Variants in CHN1 observed in about 807,000 individuals in gnomAD.
The protein encoded by CHN1 is N-chimaerin.
CHN1 carries 37 observed loss-of-function variants against 59.5 expected under a neutral mutation model. That is an observed-to-expected ratio of 0.62 (90% CI 0.48 to 0.82). The LOEUF (loss-of-function observed/expected upper bound fraction) is 0.82. Ranked by LOEUF, CHN1 falls within the 40% of genes least tolerant of loss-of-function variation. CHN1 has a pLI of 0.00. For missense variants in CHN1, 469 were observed against 571.0 expected, an observed-to-expected ratio of 0.82 and a Z score of 1.82; for synonymous variants, 206 against 200.4, an observed-to-expected ratio of 1.03 and a Z score of -0.24.
chr2:174,858,429 T>G (rs1686970575), intron 6 of CHN1, among the ~76,000 whole-genome samples: 1 of 152,168 alleles, frequency 6.6e-6, no homozygotes, highest in Admixed American at 6.6e-5. Flanking sequence ...GACAAAAGAT[T>G]TAACGTTTAT....
chr2:174,818,695 G>A (rs1012872530), intron 8 of CHN1, among the ~76,000 whole-genome samples: 4 of 151,908 alleles, frequency 2.6e-5, no homozygotes, highest in Middle Eastern at 3.4e-3. Flanking sequence ...AATAAGCATA[G>A]AATAAACATA....
At position 174,955,076 on chromosome 2, in the gene CHN1, G is replaced by A. The variant is rs145496189; in HGVS notation, c.20-2874C>T. ...ATCAACAAGTGGATAAAGAAAATGC[G>A]GTATATACATCTATATATCTATATA... is the stretch of plus-strand genomic sequence containing the variant. On this transcript the variant is annotated intron_variant, in intron 1 of 12. Transcript: ENST00000409900. Among the ~76,000 whole-genome samples the A allele has an allele frequency of 3.8e-3, 572 of 149,690 alleles. 4 individuals are homozygous for A. Among genetic ancestry groups the A allele is most frequent in the African/African-American group, 0.013 (544 of 40,800 alleles).
At chr2:174,926,756 C>G (rs1027284594) in intron 3 of CHN1, among the ~76,000 whole-genome samples, 5 of 151,858 alleles carry the variant, frequency 3.3e-5, no homozygotes, top group Non-Finnish European at 5.9e-5. Flanking sequence ...CTTATCTACC[C>G]ACACCATTTT....
rs113982296 is a variant in CHN1, at chr2:174,805,190, A to G, written c.1103-3378T>C. On this transcript the variant is annotated intron_variant, in intron 11 of 12. Coordinates refer to ENST00000409900, the MANE Select transcript of CHN1 (RefSeq NM_001822.7). ...ATGAAATAAAAACAGGCAGATTTCT[A>G]TTGTACACAGAAGGGCTTCATAACT... is the stretch of plus-strand genomic sequence containing the variant. 9.4e-3 allele frequency among the ~76,000 whole-genome samples: 1,432 copies of G among 152,348 alleles called. 23 individuals are homozygous for G. The highest frequency in any genetic ancestry group is 0.032 in the African/African-American group (1,347 of 41,574).
At chr2:174,817,184 T>C (rs1355856968) in intron 8 of CHN1, among the ~76,000 whole-genome samples, 2 of 152,226 alleles carry the variant, frequency 1.3e-5, no homozygotes, top group Non-Finnish European at 2.9e-5. Flanking sequence ...TATTCAAAAA[T>C]GTATATTGTA....
chr2:174,967,602 G>A (rs190831730), intron 1 of CHN1, among the ~76,000 whole-genome samples: 1 of 151,836 alleles, frequency 6.6e-6, no homozygotes. Flanking sequence ...GTAACCATAC[G>A]AACACTCTTT....
intron 1 of CHN1, among the ~76,000 whole-genome samples, chr2:174,974,113 T>C (rs1690845252): frequency 6.6e-6 from 1 of 152,188 alleles, no homozygotes; most frequent in South Asian, 2.1e-4. Context: ...CCAAACATAC[T>C]TCACATATGA....
chr2:174,971,998 T>C (rs968950771), intron 1 of CHN1, among the ~76,000 whole-genome samples: 5 of 152,198 alleles, frequency 3.3e-5, no homozygotes, highest in Admixed American at 2.6e-4. Flanking sequence ...GAGGAAATAC[T>C]TCAAGTGCAG....
At chr2:174,832,329 C>A (rs891675771) in intron 7 of CHN1, among the ~76,000 whole-genome samples, 1 of 151,968 alleles carries the variant, frequency 6.6e-6, no homozygotes, top group Non-Finnish European at 1.5e-5. Context: ...ACCTTTAATA[C>A]TGCCTTTCCT....
chr2:174,812,391 A>G lies in CHN1; in HGVS notation c.804T>C (p.Cys268=), dbSNP rs1243680098. The G allele has an allele frequency of 1.2e-6, 2 of 1,614,028 alleles. No individual in the cohort carries two copies. Among genetic ancestry groups the G allele is most frequent in the Non-Finnish European group, 1.7e-6 (2 of 1,179,892 alleles). The change falls in exon 9 of 13, where the codon TGT becomes TGC. Residue 268 remains cysteine (C), a synonymous_variant. Transcript: ENST00000409900. ...DLKHVKKVYS[C]DLTTLVKAHT... ...GTGCTTTCACGAGCGTCGTAAGGTC[A>G]CAGCTGTACACCTTTTTGACATGCT...
At chr2:174,945,925 G>GTATATATATATATATATATATAAA (rs1437195574) in intron 2 of CHN1, among the ~76,000 whole-genome samples, 6 of 150,444 alleles carry the variant, frequency 4.0e-5, no homozygotes, top group African/African-American at 1.5e-4. Flanking sequence ...GTGTGTGTGT[G>GTATATATATATATATATATATAAA]TGTGTGTATA....
At chr2:174,934,544 G>C (rs1574183693) in intron 3 of CHN1, among the ~76,000 whole-genome samples, 1 of 152,192 alleles carries the variant, frequency 6.6e-6, no homozygotes, top group African/African-American at 2.4e-5. Flanking sequence ...ACAGGGGCCG[G>C]GGACCCCTGT....
At chr2:174,861,811 C>A (rs186036323) in intron 6 of CHN1, among the ~76,000 whole-genome samples, 1 of 152,160 alleles carries the variant, frequency 6.6e-6, no homozygotes, top group East Asian at 1.9e-4. Flanking sequence ...GTTTAGGATT[C>A]ATGAACTGTA....
At chr2:174,867,636 G>C (rs768567735) in intron 6 of CHN1, among the ~76,000 whole-genome samples, 3 of 151,958 alleles carry the variant, frequency 2.0e-5, no homozygotes, top group Non-Finnish European at 4.4e-5. Context: ...AATGAATATT[G>C]AAAGAATGAA....
intron 3 of CHN1, among the ~76,000 whole-genome samples, chr2:174,940,532 T>A (rs939361838): frequency 3.4e-5 from 5 of 147,544 alleles, no homozygotes; most frequent in African/African-American, 1.3e-4. Context: ...ATCCCACCAC[T>A]GTTTTTTTTT....
At chr2:174,950,858 C>A (rs537674194) in intron 2 of CHN1, among the ~76,000 whole-genome samples, 1 of 148,650 alleles carries the variant, frequency 6.7e-6, no homozygotes, top group East Asian at 2.0e-4. Flanking sequence ...TGGCTCACTG[C>A]AACCTCTGCC....
intron 3 of CHN1, among the ~76,000 whole-genome samples, chr2:174,926,153 C>A (rs776027864): frequency 6.6e-6 from 1 of 151,528 alleles, no homozygotes; most frequent in African/African-American, 2.4e-5. Context: ...CAATGAAATT[C>A]ATTAAATTAA....
intron 5 of CHN1, among the ~76,000 whole-genome samples, chr2:174,913,545 TACC>T (rs1256250365): frequency 1.3e-5 from 2 of 152,294 alleles, no homozygotes; most frequent in African/African-American, 2.4e-5. Context: ...TTTTCCTGTA[TACC>T]ACAATTTAAA....
chr2:174,848,704 T>C (rs1223774706), intron 6 of CHN1, among the ~76,000 whole-genome samples: 2 of 152,146 alleles, frequency 1.3e-5, no homozygotes, highest in South Asian at 2.1e-4. Context: ...AAATGACTGA[T>C]TTTCTAAACA....
Sources: allele counts gnomAD v4.1 joint callset (sites outside exome capture counted in the v4.1 genomes callset), GRCh38; gene constraint gnomAD v4.1.1; transcripts MANE v1.5; gene names NCBI Gene and HGNC (gene_info 2026-07-23, HGNC 2026-07-21).